PPP1R12C: variants seen among roughly 807,000 people sequenced by gnomAD.
PPP1R12C encodes protein phosphatase 1 regulatory subunit 12C.
In PPP1R12C, 48 loss-of-function variants were observed where a neutral mutation model predicts 95.6. That is an observed-to-expected ratio of 0.50 (90% CI 0.40 to 0.64). The LOEUF (loss-of-function observed/expected upper bound fraction) is 0.64, where lower values mean the gene tolerates loss of function less well. Among genes scored for constraint, PPP1R12C ranks in the 30% least tolerant of loss-of-function variants. The pLI, the probability that PPP1R12C is intolerant of heterozygous loss-of-function variation, is 0.00. For synonymous variants in PPP1R12C, 480 were observed against 460.8 expected, an observed-to-expected ratio of 1.04 and a Z score of -0.53; for missense variants, 1,057 against 1,083.3, an observed-to-expected ratio of 0.98 and a Z score of 0.34.
At position 55,091,517 on chromosome 19, in the gene PPP1R12C, A is replaced by G. The variant is rs776694011; in HGVS notation, c.2304T>C (p.Asp768=). Residue 768 remains aspartate, a synonymous_variant, in exon 22 of 22, where the codon GAT becomes GAC. Coordinates refer to ENST00000263433, the MANE Select transcript of PPP1R12C (RefSeq NM_017607.4). ...TGACGCGGATCAACGCTGCATTCTC[A>G]TCCTTGAGGCGCTGGTTGTCAGCGC... ...DLRADNQRLK[D]ENAALIRVIS... The G allele has an allele frequency of 1.2e-6, 2 of 1,613,126 alleles. No individual in the cohort carries two copies. Among genetic ancestry groups the G allele is most frequent in the South Asian group, 2.2e-5 (2 of 91,070 alleles).
chr19:55,096,627 T>C (rs1273758861), intron 6 of PPP1R12C, among the ~76,000 whole-genome samples: 1 of 151,956 alleles, frequency 6.6e-6, no homozygotes, highest in African/African-American at 2.4e-5. Flanking sequence ...AGGGGAGACC[T>C]GCTTAGACCT....
chr19:55,102,437 A>G (rs2084989374), intron 4 of PPP1R12C, among the ~76,000 whole-genome samples: 1 of 152,216 alleles, frequency 6.6e-6, no homozygotes, highest in Admixed American at 6.5e-5. Context: ...CCTTGAACCC[A>G]GGAGGTGGAG....
intron 6 of PPP1R12C, among the ~76,000 whole-genome samples, chr19:55,097,943 G>A (rs28574963): frequency 0.015 from 2,312 of 152,048 alleles, 50 homozygotes; most frequent in African/African-American, 0.052. Context: ...CCTGCCTTAC[G>A]CTCCCCTCCC....
chr19:55,091,221 G>C lies in PPP1R12C; in HGVS notation c.*251C>G. 1 of 555,578 alleles carries C rather than the reference G, an allele frequency of 1.8e-6. No homozygotes were observed. The highest frequency in any genetic ancestry group is 3.2e-6 in the Non-Finnish European group (1 of 309,020). 34.4% of individuals were successfully genotyped at this position (555,578 alleles called of 1,614,324 possible). On this transcript the variant is annotated 3_prime_UTR_variant, in exon 22 of 22. Transcript: ENST00000263433. Reference sequence around the variant, plus strand: ...ACTTCTTGGTCCTCAGTTCCTTCCTGGTCCCGTCTCTGGCCCTGGTCCCCT... The same window carrying C: ...ACTTCTTGGTCCTCAGTTCCTTCCTCGTCCCGTCTCTGGCCCTGGTCCCCT...
intron 1 of PPP1R12C, chr19:55,113,514 T>TG (rs1219050337): frequency 7.2e-7 from 1 of 1,395,394 alleles, no homozygotes; most frequent in East Asian, 2.9e-5. Context: ...GTCCAAAACT[T>TG]GGGGGGACAA....
chr19:55,113,080 G>T, intron 1 of PPP1R12C: 2 of 556,548 alleles, frequency 3.6e-6, no homozygotes, highest in Non-Finnish European at 3.2e-6. Flanking sequence ...CTGGGTGCGG[G>T]AACCCCACAT....
chr19:55,111,665 A>C (rs2085097437), intron 3 of PPP1R12C: 1 of 151,702 alleles, frequency 6.6e-6, no homozygotes, highest in Admixed American at 6.6e-5. Context: ...GAAGTCTCGG[A>C]GGCTGCCGGT....
rs760424379 is a variant in PPP1R12C, at chr19:55,098,978, G to C, written c.849C>G (p.Gly283=). Residue 283 remains glycine (G), a synonymous_variant, in exon 5 of 22, where the codon GGC becomes GGG. Transcript: ENST00000263433. ...EDACRLLAEH[G]GGMDSLTHAG... ...CATGGGTCAGTGAGTCCATGCCCCC[G>C]CCATGCTCGGCCAGCAGGCGGCAGG... is the stretch of plus-strand genomic sequence containing the variant. 45 of 1,564,878 alleles carry C rather than the reference G, an allele frequency of 2.9e-5. No homozygotes were observed. Among genetic ancestry groups the C allele is most frequent in the Non-Finnish European group, 3.9e-5 (45 of 1,154,836 alleles).
intron 13 of PPP1R12C, 63 bp from the exon 14 acceptor site, chr19:55,093,296 A>G: frequency 6.8e-7 from 1 of 1,477,452 alleles, no homozygotes; most frequent in Non-Finnish European, 9.3e-7. Context: ...CCTCCCTCAG[A>G]CCCAGGAGCC....
rs1263793897 is a variant in PPP1R12C, at chr19:55,096,960, C to T, written c.952-625G>A. The T allele has an allele frequency of 1.1e-5, 2 of 185,802 alleles. 1 individual carries two copies. The highest frequency in any genetic ancestry group is 2.1e-5 in the Non-Finnish European group (2 of 95,242). 11.5% of individuals were successfully genotyped at this position (185,802 alleles called of 1,614,324 possible). ...CTTCCCTGCAGTTCACCACTGTCTT[C>T]GCCCCTTCCCCGCGCAGTTCACCAC... On this transcript the variant is annotated intron_variant, in intron 6 of 21. Transcript: ENST00000263433.
intron 1 of PPP1R12C, chr19:55,113,701 A>C (rs1331508734): frequency 4.7e-5 from 43 of 909,526 alleles, no homozygotes; most frequent in Non-Finnish European, 5.9e-5. Context: ...AGGAGGCGGG[A>C]GGGAGCTACG....
At chr19:55,099,214 G>A in intron 4 of PPP1R12C, 119 bp from the exon 5 acceptor site, 1 of 1,217,946 alleles carries the variant, frequency 8.2e-7, no homozygotes, top group South Asian at 1.6e-5. Flanking sequence ...TCCCTGGACA[G>A]GCTGGTAAAG....
chr19:55,095,062 A>T, intron 11 of PPP1R12C: 1 of 676,026 alleles, frequency 1.5e-6, no homozygotes, highest in Non-Finnish European at 2.5e-6. Context: ...TGGTGGCAGC[A>T]GGGTGGTCAG....
At chr19:55,102,852 C>T (rs1602991404) in intron 4 of PPP1R12C, among the ~76,000 whole-genome samples, 1 of 152,136 alleles carries the variant, frequency 6.6e-6, no homozygotes, top group East Asian at 1.9e-4. Context: ...ATTCTCTGAC[C>T]ACAATGCAAT....
Position 55,112,457 on chromosome 19 carries a change from C to T in PPP1R12C, c.571+10G>A. On this transcript the variant is annotated intron_variant, in intron 3 of 21. Coordinates refer to ENST00000263433, the MANE Select transcript of PPP1R12C (RefSeq NM_017607.4). ...GTCCCCCACCCCACACACAGCACAC[C>T]AGAGCCCACCTCGGCGGGCGATCTC... The T allele has an allele frequency of 6.2e-7, 1 of 1,608,402 alleles. No individual in the cohort carries two copies. The highest frequency in any genetic ancestry group is 8.5e-7 in the Non-Finnish European group (1 of 1,178,916).
intron 3 of PPP1R12C, among the ~76,000 whole-genome samples, chr19:55,104,100 T>C (rs548929568): frequency 1.4e-4 from 20 of 142,744 alleles, no homozygotes; most frequent in Middle Eastern, 3.7e-3. Flanking sequence ...GAGTTGGAGG[T>C]TGCAGTGAGC....
At chr19:55,096,665 C>T (rs1336916231) in intron 6 of PPP1R12C, among the ~76,000 whole-genome samples, 1 of 152,032 alleles carries the variant, frequency 6.6e-6, no homozygotes, top group Non-Finnish European at 1.5e-5. Context: ...ATACCCAGGG[C>T]ACTGGTGGGC....
chr19:55,113,487 T>G, intron 1 of PPP1R12C: 1 of 1,462,218 alleles, frequency 6.8e-7, no homozygotes, highest in Non-Finnish European at 9.0e-7. Context: ...CCACCGTTTC[T>G]CATTCTTCCC....
At chr19:55,097,284 C>T (rs2084928339) in intron 6 of PPP1R12C, among the ~76,000 whole-genome samples, 1 of 114,392 alleles carries the variant, frequency 8.7e-6, no homozygotes, top group Admixed American at 8.6e-5. Flanking sequence ...AGTTCACCAC[C>T]GTCTTCACCC....
Sources: allele counts gnomAD v4.1 joint callset (sites outside exome capture counted in the v4.1 genomes callset), GRCh38; gene constraint gnomAD v4.1.1; transcripts MANE v1.5; gene names NCBI Gene and HGNC (gene_info 2026-07-23, HGNC 2026-07-21).